Variants in EIF4E observed in about 807,000 individuals in gnomAD.
EIF4E encodes the protein eIF-4F 25 kDa subunit.
For missense variants in EIF4E, 113 were observed against 265.6 expected, an observed-to-expected ratio of 0.43 and a Z score of 3.99; for synonymous variants, 71 against 88.5, an observed-to-expected ratio of 0.80 and a Z score of 1.11.
In EIF4E at chr4:98,887,005, T is replaced by C. The variant is rs1207591075; in HGVS notation, c.399+74A>G. ...CTTCTCTTAAATTAAGTAACAAATGTAAAACATAACATATCTTAAGTATCA... is the reference window on the plus strand; with the variant it reads ...CTTCTCTTAAATTAAGTAACAAATGCAAAACATAACATATCTTAAGTATCA... On this transcript the variant is annotated intron_variant, in intron 5 of 6. Transcript: ENST00000450253. The surrounding 1 kb of genome is among the most constrained non-coding windows in gnomAD (Gnocchi z 4.0). The C allele has an allele frequency of 1.4e-6, 2 of 1,452,130 alleles. No individual in the cohort carries two copies. The highest frequency in any genetic ancestry group is 1.9e-6 in the Non-Finnish European group (2 of 1,036,188). 90.0% of individuals were successfully genotyped at this position (1,452,130 alleles called of 1,614,324 possible). A position where few individuals can be genotyped will look rare whatever the true frequency, so the allele number is the denominator to read the frequency against.
intron 2 of EIF4E, among the ~76,000 whole-genome samples, chr4:98,893,388 G>A (rs1242898394): frequency 6.6e-6 from 1 of 152,226 alleles, no homozygotes; most frequent in Non-Finnish European, 1.5e-5. Flanking sequence ...ATGCAATGCT[G>A]TTTGTAAGCA....
intron 1 of EIF4E, among the ~76,000 whole-genome samples, chr4:98,928,670 G>A (rs1042769976): frequency 6.6e-6 from 1 of 151,918 alleles, no homozygotes; most frequent in Non-Finnish European, 1.5e-5. Context: ...GCTGCTCCAG[G>A]GCTCCCTCCT....
At chr4:98,902,365 C>T (rs1021037845) in intron 1 of EIF4E, among the ~76,000 whole-genome samples, 3 of 152,180 alleles carry the variant, frequency 2.0e-5, no homozygotes, top group Non-Finnish European at 2.9e-5. Flanking sequence ...CCACCACACC[C>T]GGCACTAGTA....
intron 2 of EIF4E, chr4:98,895,348 G>A (rs1446325957): frequency 6.6e-6 from 1 of 152,154 alleles, no homozygotes; most frequent in Admixed American, 6.5e-5. Flanking sequence ...CTAATGCCTT[G>A]AAGATAAACT....
intron 5 of EIF4E, chr4:98,886,320 T>C (rs1723920197): frequency 7.1e-6 from 2 of 282,762 alleles, no homozygotes; most frequent in South Asian, 6.1e-5. Flanking sequence ...TATTATCTCA[T>C]ATTTAATTTG....
At chr4:98,911,206 G>A (rs562411854) in intron 1 of EIF4E, among the ~76,000 whole-genome samples, 76 of 151,154 alleles carry the variant, frequency 5.0e-4, no homozygotes, top group African/African-American at 1.6e-3. Flanking sequence ...CTGCCACCAC[G>A]CCCGGCTAAT....
Position 98,887,160 on chromosome 4 carries a change from T to C in EIF4E, c.318A>G (p.Lys106=), listed in dbSNP as rs751164786. The C allele has an allele frequency of 6.2e-7, 1 of 1,614,092 alleles. No individual in the cohort carries two copies. The highest frequency in any genetic ancestry group is 8.5e-7 in the Non-Finnish European group (1 of 1,179,926). The change falls in exon 5 of 7, where the codon AAA becomes AAG. Residue 106 remains lysine, a synonymous_variant. Transcript: ENST00000450253. The surrounding 1 kb of genome is among the most constrained non-coding windows in gnomAD (Gnocchi z 4.0). The part of the protein sequence containing the change: ...DGIEPMWEDE[K]NKRGGRWLIT... ...TTAGCCATCGTCCTCCCCGTTTGTT[T>C]TTCTCATCTTCCCACATAGGCTCAA...
In EIF4E at chr4:98,885,123, G is replaced by C; in HGVS notation, c.400-62C>G. ...TAAACAAGCTCATTACACTGCAAATGTCTCTTCTGTATTTGCATAGAAACT... is the reference window on the plus strand; with the variant it reads ...TAAACAAGCTCATTACACTGCAAATCTCTCTTCTGTATTTGCATAGAAACT... On this transcript the variant is annotated intron_variant, in intron 5 of 6. Transcript: ENST00000450253. 3.2e-6 allele frequency: 5 copies of C among 1,546,668 alleles called. No homozygotes were observed. In the South Asian group the frequency reaches 4.7e-5, roughly 14 times the overall value.
chr4:98,893,929 T>C (rs1208575944), intron 2 of EIF4E, among the ~76,000 whole-genome samples: 1 of 152,236 alleles, frequency 6.6e-6, no homozygotes, highest in East Asian at 1.9e-4. Context: ...ATAATAAGGC[T>C]TGAAAGTCAA....
At chr4:98,885,238 CATTT>C (rs1303730812) in intron 5 of EIF4E, among the ~76,000 whole-genome samples, 177 bp from the exon 6 acceptor site, 1 of 152,152 alleles carries the variant, frequency 6.6e-6, no homozygotes, top group Non-Finnish European at 1.5e-5. Flanking sequence ...AATACTCATT[CATTT>C]ATTTACTATC....
intron 2 of EIF4E, among the ~76,000 whole-genome samples, chr4:98,896,478 G>T (rs1410738614): frequency 1.2e-5 from 1 of 86,760 alleles, no homozygotes; most frequent in Non-Finnish European, 2.0e-5. Context: ...GCAAGACCCC[G>T]CATCTCTCAA....
intron 2 of EIF4E, among the ~76,000 whole-genome samples, chr4:98,901,656 T>C (rs1185237526): frequency 6.6e-6 from 1 of 152,238 alleles, no homozygotes; most frequent in African/African-American, 2.4e-5. Flanking sequence ...GCTTCCATTA[T>C]GACCAATACT....
At chr4:98,888,249 G>A (rs1724004211) in intron 3 of EIF4E, among the ~76,000 whole-genome samples, 1 of 152,156 alleles carries the variant, frequency 6.6e-6, no homozygotes, top group African/African-American at 2.4e-5. Context: ...AAACTGAGAA[G>A]AGAGGTATAA....
At chr4:98,900,230 T>C (rs1208111472) in intron 2 of EIF4E, among the ~76,000 whole-genome samples, 3 of 152,120 alleles carry the variant, frequency 2.0e-5, no homozygotes, top group Non-Finnish European at 2.9e-5. Context: ...CTCTAACGAA[T>C]TGTTCAACCT....
chr4:98,914,691 T>G (rs996492371), intron 1 of EIF4E, among the ~76,000 whole-genome samples: 1 of 152,102 alleles, frequency 6.6e-6, no homozygotes, highest in Non-Finnish European at 1.5e-5. Flanking sequence ...CACGATATTA[T>G]AACCGCAGAT....
chr4:98,894,632 A>G (rs1724288923), intron 2 of EIF4E, among the ~76,000 whole-genome samples: 1 of 152,230 alleles, frequency 6.6e-6, no homozygotes, highest in South Asian at 2.1e-4. Flanking sequence ...AGGCTTTGTC[A>G]TAAGGGAATG....
At chr4:98,906,005 T>C (rs1248061302) in intron 1 of EIF4E, among the ~76,000 whole-genome samples, 1 of 152,238 alleles carries the variant, frequency 6.6e-6, no homozygotes, top group Non-Finnish European at 1.5e-5. Context: ...CTCCTCATCA[T>C]GTTCAAGTCT....
intron 2 of EIF4E, among the ~76,000 whole-genome samples, chr4:98,896,355 G>A (rs1724389535): frequency 6.6e-6 from 1 of 151,606 alleles, no homozygotes. Flanking sequence ...GTGAGTGATA[G>A]AGCAAGACCC....
At chr4:98,901,443 CCCGCCT>C (rs370074056) in intron 2 of EIF4E, among the ~76,000 whole-genome samples, 6,652 of 152,090 alleles carry the variant, frequency 0.044, 156 homozygotes, top group South Asian at 0.051. Context: ...AGGTGATCCG[CCCGCCT>C]CCGCCTCCGC....
Sources: gnomAD v4.1 joint callset for allele counts (sites outside exome capture counted in the v4.1 genomes callset) on GRCh38, gnomAD v4.1.1 for gene constraint, Gnocchi (gnomAD v3.1) non-coding constraint, MANE v1.5 for transcripts, NCBI Gene and HGNC (gene_info 2026-07-23, HGNC 2026-07-21) for gene names.